The following SMIM35 variants were observed in gnomAD, a reference collection of about 807,000 sequenced individuals.
The protein encoded by SMIM35 is TMPRSS4 antisense RNA 1 (non-protein coding).
intron 4 of SMIM35, among the ~76,000 whole-genome samples, chr11:118,010,123 G>A (rs1430475014): frequency 1.3e-5 from 2 of 152,330 alleles, no homozygotes; most frequent in Admixed American, 6.5e-5. Flanking sequence ...TGCAAGAAAA[G>A]GCTTTGTGTT....
At chr11:118,027,052 G>C (rs1249675945) in intron 1 of SMIM35, among the ~76,000 whole-genome samples, 2 of 108,926 alleles carry the variant, frequency 1.8e-5, no homozygotes, top group African/African-American at 3.6e-5. Flanking sequence ...ACGGAGTCTC[G>C]CTCTGTCGCC....
rs189838774 is a variant in SMIM35, at chr11:118,063,999, C to T, written c.7+22752G>A. On this transcript the variant is annotated intron_variant, in intron 1 of 4. Coordinates refer to ENST00000689828, the MANE Select transcript of SMIM35 (RefSeq NM_001394165.1). ...ATGAAGAACAATTGGCTAGAAGGTC[C>T]AGAGGCCTAGATTTGTAACTGGTGG... is the stretch of plus-strand genomic sequence containing the variant. Among the ~76,000 whole-genome samples, 57 of 152,276 alleles carry T rather than the reference C, an allele frequency of 3.7e-4. 1 individual carries two copies. The East Asian group carries it at 0.011, about 29-fold the overall frequency.
intron 1 of SMIM35, among the ~76,000 whole-genome samples, chr11:118,065,556 A>T (rs1018852784): frequency 6.6e-6 from 1 of 152,190 alleles, no homozygotes; most frequent in Non-Finnish European, 1.5e-5. Flanking sequence ...CACTTTCCAC[A>T]GGCGAATCAG....
At chr11:118,072,754 G>A (rs1177030470) in intron 1 of SMIM35, among the ~76,000 whole-genome samples, 1 of 152,208 alleles carries the variant, frequency 6.6e-6, no homozygotes, top group African/African-American at 2.4e-5. Context: ...TAGGGTGTTT[G>A]TATTCAGAGC....
chr11:118,026,815 T>C (rs74328652), intron 1 of SMIM35, among the ~76,000 whole-genome samples: 3,720 of 151,780 alleles, frequency 0.025, 131 homozygotes, highest in African/African-American at 0.083. Flanking sequence ...TTTTAAAAAA[T>C]AAAAATATAA....
At chr11:118,051,621 G>A (rs1343602023) in intron 1 of SMIM35, among the ~76,000 whole-genome samples, 1 of 152,156 alleles carries the variant, frequency 6.6e-6, no homozygotes, top group Non-Finnish European at 1.5e-5. Context: ...AGCCCAAGAA[G>A]GGGGTAACGG....
chr11:118,051,278 C>T (rs923436204), intron 1 of SMIM35, among the ~76,000 whole-genome samples: 1 of 152,232 alleles, frequency 6.6e-6, no homozygotes, highest in African/African-American at 2.4e-5. Context: ...CACTCAGGCA[C>T]ACAGCTTGCT....
At chr11:118,052,306 G>A (rs1320363594) in intron 1 of SMIM35, among the ~76,000 whole-genome samples, 2 of 151,954 alleles carry the variant, frequency 1.3e-5, no homozygotes, top group African/African-American at 2.4e-5. Flanking sequence ...AAAGAAGGGC[G>A]AGAGGCAGGA....
At chr11:118,081,025 T>G (rs781597222) in intron 1 of SMIM35, among the ~76,000 whole-genome samples, 9 of 152,268 alleles carry the variant, frequency 5.9e-5, no homozygotes, top group Non-Finnish European at 1.2e-4. Context: ...GGACAGGGTC[T>G]GTGTCTTTTC....
At chr11:118,052,598 A>C (rs1439237107) in intron 1 of SMIM35, among the ~76,000 whole-genome samples, 1 of 152,048 alleles carries the variant, frequency 6.6e-6, no homozygotes, top group Non-Finnish European at 1.5e-5. Flanking sequence ...GCTCCCACAT[A>C]GAATGCTTCT....
At chr11:118,075,480 C>T (rs1171040353) in intron 1 of SMIM35, among the ~76,000 whole-genome samples, 5 of 152,232 alleles carry the variant, frequency 3.3e-5, no homozygotes, top group Non-Finnish European at 7.3e-5. Context: ...GAACCTGGGG[C>T]TTTCAAACAC....
chr11:118,013,640 C>G (rs2058161184), intron 4 of SMIM35, 108 bp downstream of exon 4: 2 of 393,852 alleles, frequency 5.1e-6, no homozygotes, highest in Non-Finnish European at 8.9e-6. Context: ...ACCAAATAAT[C>G]TCTTTGGGTT....
intron 1 of SMIM35, among the ~76,000 whole-genome samples, chr11:118,053,385 G>A (rs984558739): frequency 3.3e-5 from 5 of 151,632 alleles, no homozygotes; most frequent in African/African-American, 9.7e-5. Context: ...CCCAGGTACA[G>A]GGCAAATGTT....
chr11:118,058,764 C>T (rs529878870), intron 1 of SMIM35, among the ~76,000 whole-genome samples: 328 of 152,260 alleles, frequency 2.2e-3, no homozygotes, highest in Non-Finnish European at 3.5e-3. Context: ...ACCAAGAGCC[C>T]AGCTCGGGGG....
intron 4 of SMIM35, among the ~76,000 whole-genome samples, chr11:118,010,701 G>T (rs906001578): frequency 1.3e-5 from 2 of 152,180 alleles, no homozygotes; most frequent in Non-Finnish European, 2.9e-5. Flanking sequence ...GGCCAGGAGG[G>T]GAGGGGCTGC....
intron 1 of SMIM35, among the ~76,000 whole-genome samples, chr11:118,020,749 A>G (rs531954628): frequency 1.3e-5 from 2 of 151,828 alleles, no homozygotes; most frequent in Admixed American, 1.3e-4. Context: ...TATGTAGACT[A>G]TTATATTGTC....
intron 1 of SMIM35, among the ~76,000 whole-genome samples, chr11:118,049,273 A>G (rs1321382326): frequency 6.7e-6 from 1 of 148,796 alleles, no homozygotes; most frequent in African/African-American, 2.5e-5. Flanking sequence ...CTGGCTGGGG[A>G]CCCCAGAACC....
At chr11:118,056,129 T>C (rs371976543) in intron 1 of SMIM35, among the ~76,000 whole-genome samples, 67 of 152,098 alleles carry the variant, frequency 4.4e-4, no homozygotes, top group African/African-American at 1.5e-3. Context: ...ATGGGGCAGG[T>C]CATGGAGGTC....
At chr11:118,068,400 T>A (rs1380534248) in intron 1 of SMIM35, among the ~76,000 whole-genome samples, 2 of 152,164 alleles carry the variant, frequency 1.3e-5, no homozygotes, top group Non-Finnish European at 2.9e-5. Context: ...GATCTCTGTG[T>A]CGAGTCTCCC....
Sources: allele counts gnomAD v4.1 joint callset (sites outside exome capture counted in the v4.1 genomes callset), GRCh38; gene constraint gnomAD v4.1.1; transcripts MANE v1.5; gene names NCBI Gene and HGNC (gene_info 2026-07-23, HGNC 2026-07-21).